The following TMEM260 variants were observed in gnomAD, a reference collection of about 807,000 sequenced individuals.
TMEM260 encodes protein O-mannosyl-transferase TMEM260.
A neutral mutation model predicts 88.9 loss-of-function variants in TMEM260; 82 were observed. The observed-to-expected ratio is 0.92, with a 90% CI of 0.77 to 1.11. The LOEUF is 1.11. TMEM260 is among the 50% of genes least tolerant of loss of function. TMEM260 has a pLI of 0.00. For missense variants in TMEM260, 902 were observed against 853.4 expected (o/e 1.06, Z -0.71); for synonymous variants, 314 against 309.3 (o/e 1.02, Z -0.16).
intron 15 of TMEM260, among the ~76,000 whole-genome samples, chr14:56,644,780 A>G (rs1447025341): frequency 1.3e-5 from 2 of 152,210 alleles, no homozygotes; most frequent in East Asian, 1.9e-4. Context: ...AGAATCTACA[A>G]TGAACTCAAA....
chr14:56,656,619 C>T, the TMEM260 span, among the ~76,000 whole-genome samples: 2 of 152,130 alleles, frequency 1.3e-5, no homozygotes, highest in Non-Finnish European at 2.9e-5. Flanking sequence ...AACAGTTCTT[C>T]TCTACTTCCT....
downstream of TMEM260, chr14:56,649,998 A>G (rs570009822): frequency 2.2e-5 from 9 of 412,404 alleles, no homozygotes; most frequent in Non-Finnish European, 4.3e-5. Context: ...ACTACTTTGG[A>G]GAATCCTTTC....
intron 9 of TMEM260, among the ~76,000 whole-genome samples, chr14:56,617,810 T>C (rs924374019): frequency 1.3e-5 from 2 of 152,198 alleles, no homozygotes; most frequent in African/African-American, 4.8e-5. Context: ...AGTCTGCGTA[T>C]GTGTGTGTTC....
chr14:56,618,401 T>G (rs3737167), intron 9 of TMEM260, among the ~76,000 whole-genome samples, 193 bp from the exon 10 acceptor site: 1 of 152,210 alleles, frequency 6.6e-6, no homozygotes, highest in Admixed American at 6.5e-5. Context: ...CCTGTCAAAC[T>G]GGGAAGGAAG....
rs540652503 is a variant in TMEM260 at position 56,585,905 on chromosome 14, G to A, written c.337G>A (p.Val113Ile). The A allele has an allele frequency of 5.6e-6, 9 of 1,610,608 alleles. No individual in the cohort carries two copies. Among genetic ancestry groups the A allele is most frequent in the South Asian group, 1.1e-5 (1 of 90,324 alleles). ...AGCTGCATCATTACTTTTTTTCACC[G>A]TTTTCAGGTAAAGTAGTTGATTAGT... ...AVAASLLFFTVFRLSGSSAGG... is the reference protein window; with the variant it reads ...AVAASLLFFTIFRLSGSSAGG... Residue 113 changes from valine (V) to isoleucine (I), a missense_variant, in exon 3 of 16, where the codon GTT becomes ATT. Transcript: ENST00000261556.
At chr14:56,630,618 A>T (rs907803179) in intron 12 of TMEM260, among the ~76,000 whole-genome samples, 1 of 151,860 alleles carries the variant, frequency 6.6e-6, no homozygotes, top group African/African-American at 2.4e-5. Flanking sequence ...TTCCTTCTTG[A>T]TGCATGCTTA....
chr14:56,585,075 G>A lies in TMEM260; in HGVS notation c.192+43G>A, dbSNP rs377539388. ...TGTTTAATCAATGCTCTCATTAACAGTTTTAGGAATTAAGAAAGTTTAATT... is the reference window on the plus strand; with the variant it reads ...TGTTTAATCAATGCTCTCATTAACAATTTTAGGAATTAAGAAAGTTTAATT... On this transcript the variant is annotated intron_variant, in intron 2 of 15. Transcript: ENST00000261556. 8 of 1,571,880 alleles carry A rather than the reference G, an allele frequency of 5.1e-6. No individual in the cohort carries two copies. The African/African-American group carries it at 6.8e-5, about 13-fold the overall frequency.
At chr14:56,653,753 A>AACAACAAAAAAAT (rs1890252401), downstream of TMEM260, among the ~76,000 whole-genome samples, 1 of 142,592 alleles carries the variant, frequency 7.0e-6, no homozygotes. Context: ...AAAAAAAAAA[A>AACAACAAAAAAAT]AACAGGACAT....
At chr14:56,661,813 G>C in the TMEM260 span, among the ~76,000 whole-genome samples, 6 of 152,306 alleles carry the variant, frequency 3.9e-5, no homozygotes, top group South Asian at 8.3e-4. Flanking sequence ...ATATGACACT[G>C]TTACTTTACA....
At chr14:56,591,516 A>G (rs1885858797) in intron 3 of TMEM260, among the ~76,000 whole-genome samples, 1 of 152,218 alleles carries the variant, frequency 6.6e-6, no homozygotes, top group Non-Finnish European at 1.5e-5. Context: ...TTCAGTTAGA[A>G]AGGACTTAGC....
chr14:56,609,675 CTTATTA>C (rs976669359), intron 6 of TMEM260, among the ~76,000 whole-genome samples: 1 of 151,986 alleles, frequency 6.6e-6, no homozygotes, highest in African/African-American at 2.4e-5. Flanking sequence ...CAAACCACTT[CTTATTA>C]TTATTTATTT....
At chr14:56,591,042 A>G (rs1885822699) in intron 3 of TMEM260, among the ~76,000 whole-genome samples, 2 of 152,242 alleles carry the variant, frequency 1.3e-5, no homozygotes, top group African/African-American at 2.4e-5. Flanking sequence ...TTGCACAGCT[A>G]CTGTGCTGCA....
chr14:56,579,752 C>A, upstream of TMEM260: 1 of 573,356 alleles, frequency 1.7e-6, no homozygotes, highest in Non-Finnish European at 2.6e-6. Flanking sequence ...ATTTTCTCCT[C>A]CCCGCGCTCA....
rs147289237 is a variant in TMEM260, at chr14:56,637,230, T to C, written c.1869+632T>C. On this transcript the variant is annotated intron_variant, in intron 15 of 15. Transcript: ENST00000261556. Reference sequence around the variant, plus strand: ...TTACAGTGGCAATAGGAAACTAATATAATAGCTTCATTTAAAACAAGTTCT... The same window carrying C: ...TTACAGTGGCAATAGGAAACTAATACAATAGCTTCATTTAAAACAAGTTCT... 4.2e-3 allele frequency among the ~76,000 whole-genome samples: 638 copies of C among 152,352 alleles called. 6 individuals carry two copies. Among genetic ancestry groups the C allele is most frequent in the African/African-American group, 0.015 (616 of 41,582 alleles).
At chr14:56,622,756 A>G (rs1888009975) in intron 11 of TMEM260, among the ~76,000 whole-genome samples, 1 of 152,224 alleles carries the variant, frequency 6.6e-6, no homozygotes, top group Non-Finnish European at 1.5e-5. Flanking sequence ...AATTCAATTG[A>G]ACAAATTATT....
rs926132289 is a variant in TMEM260, at chr14:56,633,078, G to A, written c.1631G>A (p.Cys544Tyr). 1.9e-6 allele frequency: 3 copies of A among 1,613,838 alleles called. No homozygotes were observed. The Admixed American group carries it at 5.0e-5, about 27-fold the overall frequency. ...KNYSLWPWGS[C>Y]DKLVPLEIVF... ...TATTCACTTTGGCCATGGGGGTCTT[G>A]TGACAAATTAGTTCCTTTGGAGATT... is the stretch of plus-strand genomic sequence containing the variant. The change falls in exon 13 of 16, where the codon TGT becomes TAT. Residue 544 changes from cysteine (C) to tyrosine (Y), a missense_variant. Transcript: ENST00000261556.
chr14:56,618,462 C>T, intron 9 of TMEM260, 132 bp from the exon 10 acceptor site: 1 of 786,596 alleles, frequency 1.3e-6, no homozygotes, highest in Non-Finnish European at 2.1e-6. Flanking sequence ...TTGGGGAAAT[C>T]AGTTAACAAA....
intron 1 of TMEM260, among the ~76,000 whole-genome samples, chr14:56,582,456 A>T (rs901003819): frequency 3.3e-5 from 5 of 152,222 alleles, no homozygotes; most frequent in African/African-American, 1.2e-4. Context: ...GTCTAGTCTA[A>T]TTAATATTGA....
intron 11 of TMEM260, among the ~76,000 whole-genome samples, chr14:56,622,337 C>T (rs1430550555): frequency 2.4e-4 from 22 of 93,050 alleles, no homozygotes; most frequent in Middle Eastern, 8.6e-3. Context: ...GGCGAGACTC[C>T]GTCTCAAAAA....
Sources: gnomAD v4.1 joint callset for allele counts (sites outside exome capture counted in the v4.1 genomes callset) on GRCh38, gnomAD v4.1.1 for gene constraint, MANE v1.5 for transcripts, NCBI Gene and HGNC (gene_info 2026-07-23, HGNC 2026-07-21) for gene names.